The following CAMTA1 variants were observed in gnomAD, a reference collection of about 807,000 sequenced individuals.
CAMTA1 encodes the protein calmodulin binding transcription activator 1, also known as calmodulin-binding transcription activator 1.
Under a neutral mutation model 170.9 loss-of-function variants are expected in CAMTA1, and 27 were observed. That is an observed-to-expected ratio of 0.16 (90% confidence interval 0.12 to 0.22). The LOEUF (loss-of-function observed/expected upper bound fraction) is 0.22, where lower values mean the gene tolerates loss of function less well. CAMTA1 is among the 10% of genes least tolerant of loss of function. The pLI, the probability that CAMTA1 is intolerant of heterozygous loss-of-function variation, is 1.00. For synonymous variants in CAMTA1, 833 were observed against 891.5 expected (o/e 0.93, Z 1.17); for missense variants, 1,619 against 2,217.2 (o/e 0.73, Z 5.42).
rs967308461 is a variant in CAMTA1 at position 7,248,437 on chromosome 1, C to T, written c.303-1054C>T. 6.6e-6 allele frequency among the ~76,000 whole-genome samples: 1 copy of T among 152,236 alleles called. No homozygotes were observed. The highest frequency in any genetic ancestry group is 1.5e-5 in the Non-Finnish European group (1 of 68,048). ...AAGCCTGCACTGGCCTCGTGGTGCG[C>T]AGAATCGCTGGCATTCCTCTTCCCC... is the stretch of plus-strand genomic sequence containing the variant. On this transcript the variant is annotated intron_variant, in intron 4 of 22. Coordinates refer to ENST00000303635, the MANE Select transcript of CAMTA1 (RefSeq NM_015215.4). This position sits in a 1 kb window ranked among gnomAD's most constrained non-coding sequence, Gnocchi z 4.0.
chr1:7,271,571 GATAGA>G (rs1490643024), intron 5 of CAMTA1, among the ~76,000 whole-genome samples: 8 of 116,902 alleles, frequency 6.8e-5, no homozygotes, highest in African/African-American at 3.9e-4. Flanking sequence ...AAAAGAGATA[GATAGA>G]TAGATAGATA....
intron 4 of CAMTA1, among the ~76,000 whole-genome samples, chr1:7,116,425 AC>A (rs1245845172): frequency 6.6e-6 from 1 of 152,104 alleles, no homozygotes; most frequent in Non-Finnish European, 1.5e-5. Flanking sequence ...TTCACAGATC[AC>A]CTTGTAAGAC....
chr1:7,072,849 C>G (rs553509785), intron 3 of CAMTA1, among the ~76,000 whole-genome samples: 26 of 152,282 alleles, frequency 1.7e-4, no homozygotes, highest in African/African-American at 6.0e-4. Flanking sequence ...AGCAAGGGGA[C>G]TGTGTGGCTG....
At chr1:7,410,299 G>A (rs1326445750) in intron 5 of CAMTA1, among the ~76,000 whole-genome samples, 1 of 152,252 alleles carries the variant, frequency 6.6e-6, no homozygotes, top group Non-Finnish European at 1.5e-5. Flanking sequence ...AAAACTGGTG[G>A]ACATGGGGCC....
intron 6 of CAMTA1, among the ~76,000 whole-genome samples, chr1:7,597,563 G>C (rs947242674): frequency 6.6e-6 from 1 of 152,054 alleles, no homozygotes; most frequent in Non-Finnish European, 1.5e-5. Flanking sequence ...GAACTAATAG[G>C]ATGTGTATAT....
At chr1:7,678,124 C>T (rs576736807) in intron 11 of CAMTA1, among the ~76,000 whole-genome samples, 1 of 152,306 alleles carries the variant, frequency 6.6e-6, no homozygotes, top group African/African-American at 2.4e-5. Context: ...TTTCCGCGGG[C>T]TCCTGGAAGC....
At position 7,260,746 on chromosome 1, in the gene CAMTA1, G is replaced by A. The variant is rs150975525; in HGVS notation, c.438+11120G>A. 8.8e-3 allele frequency among the ~76,000 whole-genome samples: 1,341 copies of A among 152,358 alleles called. 17 individuals carry two copies. Among genetic ancestry groups the A allele is most frequent in the Admixed American group, 0.039 (603 of 15,298 alleles). ...GAGTCCCCCTAGAATAGTGACCGATGGGAGGGCACAGATGCTATTTGTCCA... is the reference window on the plus strand; with the variant it reads ...GAGTCCCCCTAGAATAGTGACCGATAGGAGGGCACAGATGCTATTTGTCCA... On this transcript the variant is annotated intron_variant, in intron 5 of 22. Coordinates refer to ENST00000303635, the MANE Select transcript of CAMTA1 (RefSeq NM_015215.4).
At chr1:7,384,049 A>G (rs1027981877) in intron 5 of CAMTA1, among the ~76,000 whole-genome samples, 6 of 152,186 alleles carry the variant, frequency 3.9e-5, no homozygotes, top group Non-Finnish European at 8.8e-5. Context: ...CTGGGCTGCC[A>G]CGCCCTGCTC....
At chr1:7,581,406 T>A (rs1286583961) in intron 6 of CAMTA1, among the ~76,000 whole-genome samples, 2 of 152,242 alleles carry the variant, frequency 1.3e-5, no homozygotes, top group Non-Finnish European at 2.9e-5. Flanking sequence ...CATTACTCTG[T>A]TCCCTGGGGA....
chr1:7,667,140 C>A (rs1010418507), intron 9 of CAMTA1, among the ~76,000 whole-genome samples: 1 of 152,118 alleles, frequency 6.6e-6, no homozygotes, highest in African/African-American at 2.4e-5. Flanking sequence ...CCGCCCACCT[C>A]AGCCTCCCAA....
chr1:7,306,350 T>C (rs969093371), intron 5 of CAMTA1, among the ~76,000 whole-genome samples: 2 of 152,052 alleles, frequency 1.3e-5, no homozygotes, highest in South Asian at 4.1e-4. Flanking sequence ...TTTGTTTGCA[T>C]TTAGATGTCT....
At chr1:7,166,073 CT>C (rs951058079) in intron 4 of CAMTA1, among the ~76,000 whole-genome samples, 50 of 146,004 alleles carry the variant, frequency 3.4e-4, no homozygotes, top group Middle Eastern at 3.6e-3. Flanking sequence ...TGGATACTCT[CT>C]TTTTTTTTTT....
chr1:7,207,828 G>T (rs1018567460), intron 4 of CAMTA1, among the ~76,000 whole-genome samples: 3 of 152,106 alleles, frequency 2.0e-5, no homozygotes, highest in Non-Finnish European at 4.4e-5. Flanking sequence ...TTTAGTGTTT[G>T]GGGCCCTGCT....
At chr1:7,644,782 C>A (rs752973019) in intron 7 of CAMTA1, among the ~76,000 whole-genome samples, 1 of 152,140 alleles carries the variant, frequency 6.6e-6, no homozygotes, top group African/African-American at 2.4e-5. Flanking sequence ...TGGGAAGTGT[C>A]GTTTTTTGCT....
At chr1:7,728,214 C>T (rs1366621001) in intron 11 of CAMTA1, among the ~76,000 whole-genome samples, 1 of 152,150 alleles carries the variant, frequency 6.6e-6, no homozygotes, top group Admixed American at 6.5e-5. Context: ...AGGGGTTGAC[C>T]GGGTGACGCC....
rs1041376540 is a variant in CAMTA1, at chr1:7,493,168, C to T, written c.510+25267C>T. The stretch of plus-strand genomic sequence containing the variant: ...AGCACACAACACAAACCTACATACA[C>T]GCGCACACAAATACAAACACGCACA... On this transcript the variant is annotated intron_variant, in intron 6 of 22. Coordinates refer to ENST00000303635, the MANE Select transcript of CAMTA1 (RefSeq NM_015215.4). Among the ~76,000 whole-genome samples, 8 of 147,056 alleles carry T rather than the reference C, an allele frequency of 5.4e-5. 1 individual carries two copies. The highest frequency in any genetic ancestry group is 2.1e-4 in the African/African-American group (8 of 38,768).
At chr1:6,870,496 C>T (rs980798141) in intron 3 of CAMTA1, among the ~76,000 whole-genome samples, 3 of 152,086 alleles carry the variant, frequency 2.0e-5, no homozygotes, top group Non-Finnish European at 4.4e-5. Flanking sequence ...TATTGATTGC[C>T]GTAAGCCTCT....
Position 7,529,159 on chromosome 1 carries a change from G to A in CAMTA1, c.510+61258G>A, listed in dbSNP as rs548356702. On this transcript the variant is annotated intron_variant, in intron 6 of 22. Transcript: ENST00000303635. Reference sequence around the variant, plus strand: ...GGGGCCTCCATAAAACTCATAGAAAGGTCAGGACAGCCTACAGAAGTCCAG... The same window carrying A: ...GGGGCCTCCATAAAACTCATAGAAAAGTCAGGACAGCCTACAGAAGTCCAG... 6.6e-5 allele frequency among the ~76,000 whole-genome samples: 10 copies of A among 152,318 alleles called. No individual in the cohort carries two copies. The South Asian group carries it at 2.1e-3, about 32-fold the overall frequency.
rs367786063 is a variant in CAMTA1 at position 6,966,173 on chromosome 1, A to G, written c.235-125131A>G. 5.3e-5 allele frequency among the ~76,000 whole-genome samples: 8 copies of G among 152,144 alleles called. No homozygotes were observed. The East Asian group carries it at 7.7e-4, about 15-fold the overall frequency. On this transcript the variant is annotated intron_variant, in intron 3 of 22. Coordinates refer to ENST00000303635, the MANE Select transcript of CAMTA1 (RefSeq NM_015215.4). ...AACAGGAATTTTTCCCACTTTTTTA[A>G]TTTTTAAAATTACGATGTAATTAAC...
Sources: allele counts gnomAD v4.1 joint callset (sites outside exome capture counted in the v4.1 genomes callset), GRCh38; gene constraint gnomAD v4.1.1; non-coding constraint Gnocchi (gnomAD v3.1); transcripts MANE v1.5; gene names NCBI Gene and HGNC (gene_info 2026-07-23, HGNC 2026-07-21).